PRELID2: variants seen among roughly 807,000 people sequenced by gnomAD.
The protein encoded by PRELID2 is PRELI domain-containing protein 2.
In PRELID2, 25 loss-of-function variants were observed where a neutral mutation model predicts 28.4. The observed-to-expected ratio is 0.88, with a 90% confidence interval of 0.64 to 1.23. The LOEUF (loss-of-function observed/expected upper bound fraction) is 1.23. Ranked by LOEUF, PRELID2 falls within the 50% of genes most tolerant of loss-of-function variation. The pLI is 0.00. For synonymous variants in PRELID2, 76 were observed against 71.6 expected (o/e 1.06, Z -0.31); for missense variants, 201 against 214.4 (o/e 0.94, Z 0.39).
At chr5:145,719,053 T>C (rs1230623657) in intron 1 of PRELID2, among the ~76,000 whole-genome samples, 4 of 152,008 alleles carry the variant, frequency 2.6e-5, no homozygotes, top group African/African-American at 9.7e-5. Context: ...CATCTAAATC[T>C]GAATCACTTG....
At chr5:145,403,324 G>A in the PRELID2 span, among the ~76,000 whole-genome samples, 5 of 152,156 alleles carry the variant, frequency 3.3e-5, no homozygotes, top group Admixed American at 1.3e-4. Flanking sequence ...GATAGCTTGA[G>A]CCCAGGAGTT....
intron 4 of PRELID2, among the ~76,000 whole-genome samples, chr5:145,807,227 A>T (rs75506096): frequency 1.7e-3 from 252 of 152,258 alleles, no homozygotes; most frequent in Admixed American, 3.1e-3. Flanking sequence ...TCTGCCATAG[A>T]CTGAAATGTT....
the PRELID2 span, among the ~76,000 whole-genome samples, chr5:145,245,251 T>C: frequency 1.3e-5 from 2 of 152,064 alleles, no homozygotes; most frequent in African/African-American, 4.8e-5. Context: ...TGCCCAATAG[T>C]AAAAACTTGC....
At chr5:145,431,578 A>T in the PRELID2 span, among the ~76,000 whole-genome samples, 1 of 152,232 alleles carries the variant, frequency 6.6e-6, no homozygotes, top group African/African-American at 2.4e-5. Flanking sequence ...ACCTGATAGG[A>T]TGCAGCAAGA....
intron 1 of PRELID2, chr5:145,729,432 G>A: frequency 5.5e-6 from 2 of 364,132 alleles, no homozygotes; most frequent in Non-Finnish European, 9.8e-6. Context: ...TACTTGCCCA[G>A]GTTCCTTCTA....
chr5:145,287,611 C>T, the PRELID2 span, among the ~76,000 whole-genome samples: 1 of 152,128 alleles, frequency 6.6e-6, no homozygotes, highest in Non-Finnish European at 1.5e-5. Context: ...TAAGGGGGAA[C>T]TGATGTAGAT....
intron 1 of PRELID2, among the ~76,000 whole-genome samples, chr5:145,587,563 C>T (rs1163593599): frequency 6.6e-5 from 10 of 152,134 alleles, no homozygotes. Context: ...GAACCTAGTC[C>T]TAATGATGTT....
the PRELID2 span, among the ~76,000 whole-genome samples, chr5:145,327,212 G>A: frequency 6.6e-6 from 1 of 152,002 alleles, no homozygotes; most frequent in Non-Finnish European, 1.5e-5. Flanking sequence ...GTTGAAAACA[G>A]GGTATTGAAT....
chr5:145,382,046 A>C, the PRELID2 span, among the ~76,000 whole-genome samples: 1 of 152,006 alleles, frequency 6.6e-6, no homozygotes, highest in Non-Finnish European at 1.5e-5. Context: ...CAAAAGGATG[A>C]ATGGGAAATC....
chr5:145,790,721 G>GTGTGTGTGTATATATATA (rs772901344), intron 5 of PRELID2, among the ~76,000 whole-genome samples: 7 of 110,906 alleles, frequency 6.3e-5, no homozygotes, highest in East Asian at 5.8e-4. Flanking sequence ...GTGTGTGTGT[G>GTGTGTGTGTATATATATA]TATATATATA....
At chr5:145,263,791 C>A in the PRELID2 span, among the ~76,000 whole-genome samples, 3 of 144,440 alleles carry the variant, frequency 2.1e-5, no homozygotes, top group South Asian at 4.4e-4. Flanking sequence ...AGTCAGGAAA[C>A]AATAGAAAAT....
intron 1 of PRELID2, among the ~76,000 whole-genome samples, chr5:145,721,606 C>A (rs1755992432): frequency 6.6e-6 from 1 of 151,960 alleles, no homozygotes; most frequent in African/African-American, 2.4e-5. Flanking sequence ...TCAAACATAA[C>A]AAGGATATTA....
chr5:145,575,880 C>T (rs1753056238), intron 1 of PRELID2, among the ~76,000 whole-genome samples: 1 of 152,086 alleles, frequency 6.6e-6, no homozygotes. Context: ...GCTCTCAAAG[C>T]TCCAGCTGTC....
chr5:145,738,021 G>C (rs1756547575), intron 1 of PRELID2, among the ~76,000 whole-genome samples: 1 of 152,300 alleles, frequency 6.6e-6, no homozygotes, highest in East Asian at 1.9e-4. Context: ...GCCAGATAGG[G>C]AGCAATAATA....
chr5:145,681,890 C>G (rs2149689476), intron 1 of PRELID2, among the ~76,000 whole-genome samples: 1 of 152,270 alleles, frequency 6.6e-6, no homozygotes, highest in South Asian at 2.1e-4. Flanking sequence ...AAAATTATAC[C>G]TGCTCATGCC....
the PRELID2 span, among the ~76,000 whole-genome samples, chr5:145,268,009 A>G: frequency 6.6e-6 from 1 of 152,126 alleles, no homozygotes; most frequent in South Asian, 2.1e-4. Flanking sequence ...TAATATTTTT[A>G]TAGATAATTC....
intron 1 of PRELID2, among the ~76,000 whole-genome samples, chr5:145,491,063 A>T (rs1752264553): frequency 6.6e-6 from 1 of 152,062 alleles, no homozygotes; most frequent in Non-Finnish European, 1.5e-5. Context: ...TAACAATTAC[A>T]ATTTAATGTA....
At chr5:145,504,874 A>T (rs1752392239) in intron 1 of PRELID2, among the ~76,000 whole-genome samples, 1 of 152,150 alleles carries the variant, frequency 6.6e-6, no homozygotes, top group Non-Finnish European at 1.5e-5. Context: ...TACCCAGCTG[A>T]GAACCACACA....
intron 1 of PRELID2, among the ~76,000 whole-genome samples, chr5:145,671,009 G>C (rs1463627485): frequency 6.6e-6 from 1 of 152,092 alleles, no homozygotes; most frequent in Non-Finnish European, 1.5e-5. Flanking sequence ...ATAAAATGGG[G>C]ATAATGATAT....
Sources: gnomAD v4.1 joint callset for allele counts (sites outside exome capture counted in the v4.1 genomes callset) on GRCh38, gnomAD v4.1.1 for gene constraint, MANE v1.5 for transcripts, NCBI Gene and HGNC (gene_info 2026-07-23, HGNC 2026-07-21) for gene names.